SIK3: variants seen among roughly 807,000 people sequenced by gnomAD.
SIK3 encodes serine/threonine-protein kinase SIK3.
Under a neutral mutation model 144.2 loss-of-function variants are expected in SIK3, and 28 were observed. That is an observed-to-expected ratio of 0.19 (90% CI 0.14 to 0.27). The LOEUF is 0.27. Among genes scored for constraint, SIK3 ranks in the 10% least tolerant of loss-of-function variants. The pLI is 1.00. For synonymous variants in SIK3, 686 were observed against 676.3 expected (o/e 1.01, Z -0.22); for missense variants, 1,319 against 1,776.0 (o/e 0.74, Z 4.62).
At chr11:116,964,317 A>C (rs567852679) in intron 1 of SIK3, among the ~76,000 whole-genome samples, 3 of 152,232 alleles carry the variant, frequency 2.0e-5, no homozygotes, top group East Asian at 1.9e-4. Flanking sequence ...TTTTTAATTG[A>C]AGTCTATATT....
intron 6 of SIK3, among the ~76,000 whole-genome samples, chr11:116,890,306 G>A (rs1310374256): frequency 1.3e-5 from 2 of 152,214 alleles, no homozygotes; most frequent in East Asian, 1.9e-4. Context: ...CTGAGAAACA[G>A]CAAGGAAGGC....
At chr11:116,954,191 C>A in intron 2 of SIK3, 84 bp from the exon 3 acceptor site, 1 of 1,041,536 alleles carries the variant, frequency 9.6e-7, no homozygotes, top group Non-Finnish European at 1.5e-6. Flanking sequence ...CCTCTTTTCT[C>A]ATTTGAAATA....
intron 3 of SIK3, among the ~76,000 whole-genome samples, chr11:116,947,032 A>C (rs1948626632): frequency 6.7e-6 from 1 of 150,024 alleles, no homozygotes; most frequent in South Asian, 2.1e-4. Context: ...GAATGGTCTG[A>C]ACCTGGGACG....
intron 1 of SIK3, among the ~76,000 whole-genome samples, chr11:117,084,241 C>T (rs1338617788): frequency 6.6e-6 from 1 of 152,052 alleles, no homozygotes; most frequent in African/African-American, 2.4e-5. Flanking sequence ...TTCTGCTGCT[C>T]CCATTATTAA....
At chr11:116,963,623 A>G (rs1312696941) in intron 1 of SIK3, among the ~76,000 whole-genome samples, 2 of 152,218 alleles carry the variant, frequency 1.3e-5, no homozygotes, top group East Asian at 3.9e-4. Flanking sequence ...ATTGGAGTCT[A>G]TGACATCCCT....
At chr11:116,903,307 G>A (rs1320899485) in intron 4 of SIK3, among the ~76,000 whole-genome samples, 1 of 152,174 alleles carries the variant, frequency 6.6e-6, no homozygotes, top group Non-Finnish European at 1.5e-5. Flanking sequence ...AAACAAACTA[G>A]TCTATTTTAG....
intron 21 of SIK3, among the ~76,000 whole-genome samples, chr11:116,853,564 G>A (rs1942637348): frequency 6.6e-6 from 1 of 152,206 alleles, no homozygotes; most frequent in South Asian, 2.1e-4. Flanking sequence ...ATCTGTCAAT[G>A]TTGACTCGTC....
chr11:116,868,006 A>G lies in SIK3; in HGVS notation c.1892T>C (p.Leu631Pro). Reference protein sequence around the residue: ...AEIPPDLQRQLGQQPFRSRVW... With the variant: ...AEIPPDLQRQPGQQPFRSRVW... ...CCGGGAACGGAAAGGCTGCTGTCCT[A>G]GCTGCCGTTGTAGGTCCGGTGGGAT... The change falls in exon 15 of 25, where the codon CTA becomes CCA. Residue 631 changes from leucine (L) to proline (P), a missense_variant. Leu to Pro is a moderately conservative substitution (Grantham distance 98). Around this residue, in one of 8 missense-constraint regions of SIK3, gnomAD observed 167 missense variants for 263.3 expected, o/e 0.63. Transcript: ENST00000445177. The G allele has an allele frequency of 1.9e-6, 3 of 1,550,606 alleles. No homozygotes were observed. Among genetic ancestry groups the G allele is most frequent in the Non-Finnish European group, 2.6e-6 (3 of 1,146,980 alleles).
intron 1 of SIK3, among the ~76,000 whole-genome samples, chr11:117,001,411 C>G (rs1950844251): frequency 6.6e-6 from 1 of 151,962 alleles, no homozygotes; most frequent in South Asian, 2.1e-4. Flanking sequence ...GAGGTTGAGG[C>G]AGGAGAATCA....
chr11:117,012,053 A>G (rs1351245671), intron 1 of SIK3, among the ~76,000 whole-genome samples: 1 of 152,044 alleles, frequency 6.6e-6, no homozygotes, highest in Non-Finnish European at 1.5e-5. Context: ...ATCACAGCTC[A>G]CTGCAGCCTT....
intron 18 of SIK3, 87 bp downstream of exon 18, chr11:116,861,754 A>C: frequency 1.2e-6 from 1 of 828,108 alleles, no homozygotes; most frequent in Non-Finnish European, 2.0e-6. Flanking sequence ...ATGAATGCTC[A>C]AGTCAGTCCA....
chr11:117,060,510 T>TC, intron 1 of SIK3, among the ~76,000 whole-genome samples: 1 of 150,562 alleles, frequency 6.6e-6, no homozygotes, highest in South Asian at 2.1e-4. Context: ...GGGAGGAGAA[T>TC]CGCTTGAACC....
rs536445401 is a variant in SIK3 at position 117,071,403 on chromosome 11, C to T, written c.273+26740G>A. Among the ~76,000 whole-genome samples the T allele has an allele frequency of 1.1e-4, 16 of 151,610 alleles. No homozygotes were observed. The South Asian group carries it at 1.9e-3, about 18-fold the overall frequency. On this transcript the variant is annotated intron_variant, in intron 1 of 24. Coordinates refer to ENST00000445177, the MANE Select transcript of SIK3 (RefSeq NM_001366686.3). ...ACATGAAGATCGGGCTTCCACTGAACCTTGAAGGCAGGGCAGACTAGATAA... is the reference window on the plus strand; with the variant it reads ...ACATGAAGATCGGGCTTCCACTGAATCTTGAAGGCAGGGCAGACTAGATAA...
chr11:117,031,166 A>G (rs1467908602), intron 1 of SIK3, among the ~76,000 whole-genome samples: 6 of 152,146 alleles, frequency 3.9e-5, no homozygotes, highest in South Asian at 2.1e-4. Flanking sequence ...ATGAAGTCCA[A>G]CTTACCAATT....
chr11:116,870,184 G>C, intron 14 of SIK3, 147 bp downstream of exon 14: 5 of 1,541,998 alleles, frequency 3.2e-6, no homozygotes, highest in Non-Finnish European at 3.5e-6. Context: ...TTCCATGTGG[G>C]GTGGAACATG....
intron 1 of SIK3, among the ~76,000 whole-genome samples, chr11:116,996,354 A>G (rs578122645): frequency 4.6e-5 from 7 of 152,306 alleles, no homozygotes; most frequent in African/African-American, 1.7e-4. Context: ...TAAACAATAA[A>G]TAATAAATCT....
At chr11:117,023,565 C>A (rs1951862037) in intron 1 of SIK3, among the ~76,000 whole-genome samples, 1 of 140,354 alleles carries the variant, frequency 7.1e-6, no homozygotes, top group Non-Finnish European at 1.5e-5. Flanking sequence ...GCCACTATGC[C>A]CAGCTAATAT....
At chr11:116,845,992 C>T (rs539501969) in intron 24 of SIK3, among the ~76,000 whole-genome samples, 1 of 152,176 alleles carries the variant, frequency 6.6e-6, no homozygotes, top group Non-Finnish European at 1.5e-5. Flanking sequence ...TATTTTCCTG[C>T]CAGGTTTTGT....
chr11:116,994,796 A>G (rs1300062297), intron 1 of SIK3, among the ~76,000 whole-genome samples: 1 of 152,118 alleles, frequency 6.6e-6, no homozygotes, highest in Non-Finnish European at 1.5e-5. Flanking sequence ...CACGCTACCT[A>G]TACAATTATT....
Sources: gnomAD v4.1 joint callset for allele counts (sites outside exome capture counted in the v4.1 genomes callset) on GRCh38, gnomAD v4.1.1 for gene constraint, gnomAD v4.1.1 regional missense constraint, MANE v1.5 for transcripts, NCBI Gene and HGNC (gene_info 2026-07-23, HGNC 2026-07-21) for gene names.